The following SNAP47 variants were observed in gnomAD, a reference collection of about 807,000 sequenced individuals.
The protein encoded by SNAP47 is synaptosome associated protein 47.
A neutral mutation model predicts 31.4 loss-of-function variants in SNAP47; 20 were observed. The observed-to-expected ratio is 0.64, with a 90% CI of 0.45 to 0.93. SNAP47 has a LOEUF of 0.93. Among genes scored for constraint, SNAP47 ranks in the 40% least tolerant of loss-of-function variants. The pLI is 0.00. For missense variants in SNAP47, 492 were observed against 528.5 expected (o/e 0.93, Z 0.68); for synonymous variants, 194 against 213.4 (o/e 0.91, Z 0.79).
chr1:227,748,408 C>T (rs1662121237), intron 2 of SNAP47, among the ~76,000 whole-genome samples, 175 bp downstream of exon 2: 1 of 152,246 alleles, frequency 6.6e-6, no homozygotes, highest in Non-Finnish European at 1.5e-5. Flanking sequence ...AGATCCAGCA[C>T]TCGGAAAGCG....
chr1:227,747,590 C>G, intron 1 of SNAP47, 102 bp from the exon 2 acceptor site: 9 of 1,211,734 alleles, frequency 7.4e-6, no homozygotes, highest in South Asian at 1.5e-5. Flanking sequence ...GTGCTGCAGC[C>G]TGTGTGAGCC....
At chr1:227,748,272 G>A (rs757471528) in intron 2 of SNAP47, 39 bp downstream of exon 2, 4 of 1,501,474 alleles carry the variant, frequency 2.7e-6, no homozygotes, top group Non-Finnish European at 3.6e-6. Flanking sequence ...CACACACAGA[G>A]TAAGATGCAC....
At chr1:227,735,575 G>T in intron 1 of SNAP47, 76 bp downstream of exon 1, 1 of 1,342,730 alleles carries the variant, frequency 7.4e-7, no homozygotes, top group East Asian at 3.0e-5. Flanking sequence ...CAGTCCGCGC[G>T]CTGTGGCTGA....
chr1:227,747,923 T>C lies in SNAP47; in HGVS notation c.187T>C (p.Phe63Leu). The C allele has an allele frequency of 6.2e-7, 1 of 1,614,132 alleles. No individual in the cohort carries two copies. The highest frequency in any genetic ancestry group is 8.5e-7 in the Non-Finnish European group (1 of 1,180,000). Residue 63 changes from phenylalanine (F) to leucine (L), a missense_variant, in exon 2 of 5, where the codon TTT (phenylalanine) becomes CTT (leucine). By Grantham distance (22) the Phe-to-Leu change is conservative. Transcript: ENST00000617596. ...IVEIKKEASH[F>L]IFSSITILEK... Reference sequence around the variant, plus strand: ...TGAGATCAAGAAGGAGGCTTCACATTTTATCTTCAGCTCCATCACCATCCT... The same window carrying C: ...TGAGATCAAGAAGGAGGCTTCACATCTTATCTTCAGCTCCATCACCATCCT...
chr1:227,768,402 G>C, intron 4 of SNAP47: 1 of 895,832 alleles, frequency 1.1e-6, no homozygotes, highest in Non-Finnish European at 1.3e-6. Flanking sequence ...CCCTGTTTTT[G>C]TAGGGAGTGT....
At chr1:227,766,233 G>T (rs1456124457) in intron 3 of SNAP47, among the ~76,000 whole-genome samples, 2 of 152,208 alleles carry the variant, frequency 1.3e-5, no homozygotes, top group African/African-American at 4.8e-5. Context: ...TGACATCCTC[G>T]TAAATGACGG....
intron 1 of SNAP47, among the ~76,000 whole-genome samples, chr1:227,737,882 G>A (rs911771348): frequency 1.3e-5 from 2 of 152,264 alleles, no homozygotes; most frequent in East Asian, 1.9e-4. Context: ...GTGTGATCAC[G>A]GTATGCAATT....
At chr1:227,747,427 G>T (rs1662037046) in intron 1 of SNAP47, among the ~76,000 whole-genome samples, 1 of 152,204 alleles carries the variant, frequency 6.6e-6, no homozygotes, top group Non-Finnish European at 1.5e-5. Context: ...GGGGATGACA[G>T]TGTGAACCCT....
At chr1:227,775,603 C>G (rs1664111714) in intron 4 of SNAP47, among the ~76,000 whole-genome samples, 1 of 152,244 alleles carries the variant, frequency 6.6e-6, no homozygotes, top group East Asian at 1.9e-4. Context: ...AGCGAACGCA[C>G]AAGGCTGGGA....
chr1:227,736,290 G>A (rs1250327013), intron 1 of SNAP47: 1 of 152,394 alleles, frequency 6.6e-6, no homozygotes, highest in Non-Finnish European at 1.5e-5. Context: ...ATGAAGGTGT[G>A]GTGGGAGTGT....
At chr1:227,754,455 AAGGGTGGAGCCCTAGCC>A (rs1662571062) in intron 2 of SNAP47, among the ~76,000 whole-genome samples, 1 of 152,172 alleles carries the variant, frequency 6.6e-6, no homozygotes, top group Non-Finnish European at 1.5e-5. Flanking sequence ...GTCCATCCGT[AAGGGTGGAGCCCTAGCC>A]AGGGACCACG....
upstream of SNAP47, chr1:227,735,411 T>G (rs547023870): frequency 3.8e-5 from 59 of 1,555,648 alleles, no homozygotes; most frequent in Non-Finnish European, 4.4e-5. Context: ...CCTGCACGCA[T>G]GCGCGCGGCT....
chr1:227,735,028 G>A, upstream of SNAP47: 1 of 1,552,276 alleles, frequency 6.4e-7, no homozygotes, highest in Non-Finnish European at 8.7e-7. Flanking sequence ...TCCGTAGCAG[G>A]TGGTCGAAGT....
At chr1:227,746,953 A>G (rs1662001604) in intron 1 of SNAP47, 1 of 152,246 alleles carries the variant, frequency 6.6e-6, no homozygotes, top group Admixed American at 6.5e-5. Context: ...GTTGGGCTGC[A>G]TGTTCCATGA....
upstream of SNAP47, chr1:227,735,164 C>A: frequency 6.3e-7 from 1 of 1,580,342 alleles, no homozygotes; most frequent in Non-Finnish European, 8.6e-7. Context: ...GGAGAAGGCG[C>A]CCGGCTCCGA....
At chr1:227,735,675 G>C in intron 1 of SNAP47, 176 bp downstream of exon 1, 1 of 985,066 alleles carries the variant, frequency 1.0e-6, no homozygotes, top group Non-Finnish European at 1.2e-6. Flanking sequence ...GCGGTTCTGG[G>C]GGCGGGAGTG....
upstream of SNAP47, chr1:227,730,955 G>A (rs947127258): frequency 2.0e-4 from 31 of 152,414 alleles, no homozygotes; most frequent in African/African-American, 6.5e-4. Context: ...GAGGTTACCG[G>A]AGGGGCTAAA....
chr1:227,732,406 C>T (rs1289784848), upstream of SNAP47: 17 of 1,612,526 alleles, frequency 1.1e-5, no homozygotes, highest in African/African-American at 1.3e-5. Flanking sequence ...GGGGCCGCAG[C>T]AGCATCAACA....
At chr1:227,754,642 A>C (rs1662583365) in intron 2 of SNAP47, among the ~76,000 whole-genome samples, 1 of 152,068 alleles carries the variant, frequency 6.6e-6, no homozygotes, top group African/African-American at 2.4e-5. Flanking sequence ...AAGTGTGTGC[A>C]CCCATGTCAT....
Sources: gnomAD v4.1 joint callset for allele counts (sites outside exome capture counted in the v4.1 genomes callset) on GRCh38, gnomAD v4.1.1 for gene constraint, MANE v1.5 for transcripts, NCBI Gene and HGNC (gene_info 2026-07-23, HGNC 2026-07-21) for gene names.